Variants in BCAS1 observed in about 807,000 individuals in gnomAD.
The protein encoded by BCAS1 is brain enriched myelin associated protein 1.
A neutral mutation model predicts 65.4 loss-of-function variants in BCAS1; 46 were observed. The ratio of observed to expected loss-of-function variants is 0.70; its 90% CI spans 0.55 to 0.90. BCAS1 has a LOEUF of 0.90. Among genes scored for constraint, BCAS1 ranks in the 40% least tolerant of loss-of-function variants. The pLI is 0.00. For synonymous variants in BCAS1, 298 were observed against 293.5 expected (o/e 1.02, Z -0.16); for missense variants, 793 against 771.2 (o/e 1.03, Z -0.33).
chr20:54,050,493 G>A lies in BCAS1; in HGVS notation c.142+7592C>T, dbSNP rs184310294. On this transcript the variant is annotated intron_variant, in intron 3 of 12. Coordinates refer to ENST00000688948, the MANE Select transcript of BCAS1 (RefSeq NM_001366298.2). ...GTGGGGATGGTATTAATCCCAAGAG[G>A]GCGAAAATGGTTCTATGGGAGAGGA... Among the ~76,000 whole-genome samples, 262 of 152,306 alleles carry A rather than the reference G, an allele frequency of 1.7e-3. 2 individuals are homozygous for A. Among genetic ancestry groups the A allele is most frequent in the African/African-American group, 6.0e-3 (249 of 41,564 alleles).
chr20:54,046,204 A>G (rs939413629), intron 3 of BCAS1, among the ~76,000 whole-genome samples: 4 of 152,196 alleles, frequency 2.6e-5, no homozygotes, highest in Non-Finnish European at 5.9e-5. Flanking sequence ...GATTGACTTA[A>G]CCACCATTTT....
chr20:54,004,721 T>G (rs2145911865), intron 4 of BCAS1, among the ~76,000 whole-genome samples: 1 of 152,166 alleles, frequency 6.6e-6, no homozygotes, highest in African/African-American at 2.4e-5. Context: ...GCTCTGAAGT[T>G]ATGCTTTCAC....
rs1276494444 is a variant in BCAS1 at position 53,996,031 on chromosome 20, T to G, written c.743A>C (p.Glu248Ala). ...AGTTCCAAGTTCTTGTCCTTCTTTT[T>G]CCTTGCCGTCAACTATGTCCTAGGG... ...PAGKDIVDGK[E>A]KEGQELGTAD... is the part of the protein sequence containing the mutation. Residue 248 changes from glutamate to alanine, a missense_variant, in exon 5 of 13, where the codon GAA becomes GCA. Coordinates refer to ENST00000688948, the MANE Select transcript of BCAS1 (RefSeq NM_001366298.2). 6.2e-7 allele frequency: 1 copy of G among 1,604,832 alleles called. No individual in the cohort carries two copies. Among genetic ancestry groups the G allele is most frequent in the Non-Finnish European group, 8.5e-7 (1 of 1,175,452 alleles).
intron 4 of BCAS1, among the ~76,000 whole-genome samples, chr20:54,023,502 G>A (rs768862091): frequency 1.3e-5 from 2 of 152,190 alleles, no homozygotes; most frequent in Admixed American, 6.5e-5. Flanking sequence ...CATGCTGTCC[G>A]AAATCATCCA....
At position 53,966,982 on chromosome 20, in the gene BCAS1, G is replaced by A. The variant is rs2145628925; in HGVS notation, c.1409C>T (p.Pro470Leu). Residue 470 changes from proline (P) to leucine (L), a missense_variant, in exon 10 of 13, where the codon CCT becomes CTT. Pro to Leu is a moderately conservative substitution (Grantham distance 98). Coordinates refer to ENST00000688948, the MANE Select transcript of BCAS1 (RefSeq NM_001366298.2). Reference sequence around the variant, plus strand: ...TTTGAGTTTCGCTTCTGTGGGTTCAGGTGCAGCATCTCCTTCGTTGAGGTC... The same window carrying A: ...TTTGAGTTTCGCTTCTGTGGGTTCAAGTGCAGCATCTCCTTCGTTGAGGTC... The part of the protein sequence containing the change: ...TVDLNEGDAA[P>L]EPTEAKLKRE... The A allele has an allele frequency of 6.2e-7, 1 of 1,613,386 alleles. No homozygotes were observed. The highest frequency in any genetic ancestry group is 8.5e-7 in the Non-Finnish European group (1 of 1,179,698).
At chr20:53,948,909 C>T (rs975702798) in intron 12 of BCAS1, among the ~76,000 whole-genome samples, 13 of 152,222 alleles carry the variant, frequency 8.5e-5, no homozygotes, top group African/African-American at 2.2e-4. Context: ...AACCCTCGGT[C>T]TCAGGCTCCT....
At chr20:53,962,995 C>T (rs1034545313) in intron 10 of BCAS1, among the ~76,000 whole-genome samples, 3 of 151,824 alleles carry the variant, frequency 2.0e-5, no homozygotes, top group Admixed American at 6.6e-5. Context: ...GGACTACAGG[C>T]GCCCGCCACC....
At chr20:53,981,964 G>A (rs1349227211) in intron 8 of BCAS1, among the ~76,000 whole-genome samples, 3 of 152,126 alleles carry the variant, frequency 2.0e-5, no homozygotes, top group Non-Finnish European at 4.4e-5. Flanking sequence ...CATGACCACT[G>A]ATTGTTCATA....
chr20:54,016,874 C>T (rs149072470), intron 4 of BCAS1, among the ~76,000 whole-genome samples: 337 of 152,208 alleles, frequency 2.2e-3, no homozygotes, highest in South Asian at 0.018. Flanking sequence ...TGAACCAAGC[C>T]GGGTTGGACC....
At chr20:53,956,615 G>A (rs1372128991) in intron 11 of BCAS1, among the ~76,000 whole-genome samples, 6 of 151,380 alleles carry the variant, frequency 4.0e-5, no homozygotes, top group Non-Finnish European at 5.9e-5. Context: ...TATAGATGAG[G>A]AAACTGAGGT....
intron 4 of BCAS1, among the ~76,000 whole-genome samples, chr20:54,005,983 G>T (rs145960805): frequency 6.6e-6 from 1 of 152,310 alleles, no homozygotes; most frequent in African/African-American, 2.4e-5. Flanking sequence ...TCAGACTGAG[G>T]AAGTGTTGAC....
At chr20:53,969,197 T>G (rs765981996) in intron 9 of BCAS1, among the ~76,000 whole-genome samples, 1 of 151,894 alleles carries the variant, frequency 6.6e-6, no homozygotes, top group Non-Finnish European at 1.5e-5. Context: ...GGGAATTGCA[T>G]ACACATCAGA....
chr20:54,047,233 G>A (rs2092125843), intron 3 of BCAS1, among the ~76,000 whole-genome samples: 1 of 152,172 alleles, frequency 6.6e-6, no homozygotes, highest in Non-Finnish European at 1.5e-5. Flanking sequence ...CAGAGCTAGT[G>A]TTGCAAGAGA....
chr20:54,063,409 C>A (rs778758569), intron 1 of BCAS1, among the ~76,000 whole-genome samples: 2 of 152,206 alleles, frequency 1.3e-5, no homozygotes, highest in African/African-American at 4.8e-5. Context: ...AGGACTCTCA[C>A]GGGTATGATC....
In BCAS1 at chr20:54,018,239, G is replaced by A. The variant is rs76139411; in HGVS notation, c.723+10153C>T. On this transcript the variant is annotated intron_variant, in intron 4 of 12. Transcript: ENST00000688948. ...AGAGCTCTTTCTAAACTCTGGAAGT[G>A]TTTGCTTGTTAATTCTCTTTCTTTT... Among the ~76,000 whole-genome samples the A allele has an allele frequency of 3.0e-3, 450 of 152,218 alleles. 2 individuals are homozygous for A. Among genetic ancestry groups the A allele is most frequent in the African/African-American group, 0.01 (432 of 41,532 alleles).
chr20:54,028,539 G>GCTGGA lies in BCAS1; in HGVS notation c.571_575dup (p.Phe193ProfsTer53). 1.2e-6 allele frequency: 2 copies of GCTGGA among 1,614,202 alleles called. No homozygotes were observed. Among genetic ancestry groups the GCTGGA allele is most frequent in the Non-Finnish European group, 1.7e-6 (2 of 1,180,034 alleles). ...CCAGCTTGAAGAATTTGTCAAAAAAGCTGGAGTCCTTGGGCTTGGAGGGAG... is the reference window on the plus strand; with the variant it reads ...CCAGCTTGAAGAATTTGTCAAAAAAGCTGGACTGGAGTCCTTGGGCTTGGAGGGAG... On this transcript the variant is annotated frameshift_variant, in exon 4 of 13. Coordinates refer to ENST00000688948, the MANE Select transcript of BCAS1 (RefSeq NM_001366298.2). LOFTEE classifies it high-confidence loss of function.
chr20:54,029,290 C>T (rs1434492395), intron 3 of BCAS1: 1 of 951,932 alleles, frequency 1.1e-6, no homozygotes, highest in African/African-American at 1.8e-5. Flanking sequence ...AGCATATTGT[C>T]ATGATGTCAA....
Position 54,036,963 on chromosome 20 carries a change from C to T in BCAS1, c.143-7991G>A, listed in dbSNP as rs114249699. Among the ~76,000 whole-genome samples, 457 of 151,378 alleles carry T rather than the reference C, an allele frequency of 3.0e-3. 11 individuals carry two copies. The highest frequency in any genetic ancestry group is 0.011 in the African/African-American group (439 of 41,440). ...CAAATATTCTCGTCAAAACAAGCTG[C>T]TTCATCAGAGTTCTAATTATATATT... On this transcript the variant is annotated intron_variant, in intron 3 of 12. Transcript: ENST00000688948.
intron 11 of BCAS1, among the ~76,000 whole-genome samples, chr20:53,955,324 C>T (rs533738598): frequency 3.6e-4 from 55 of 152,204 alleles, no homozygotes; most frequent in Non-Finnish European, 5.9e-4. Flanking sequence ...GTCTTGAACA[C>T]TTCTGGCAGA....
Sources: allele counts gnomAD v4.1 joint callset (sites outside exome capture counted in the v4.1 genomes callset), GRCh38; gene constraint gnomAD v4.1.1; transcripts MANE v1.5; gene names NCBI Gene and HGNC (gene_info 2026-07-23, HGNC 2026-07-21).